Variants in SSU72L3 observed in about 807,000 individuals in gnomAD.
SSU72L3 encodes the protein SSU72 like 3.
At chr11:4,330,059 C>T in the SSU72L3 span, 5 of 776,284 alleles carry the variant, frequency 6.4e-6, no homozygotes, top group Non-Finnish European at 7.2e-6. Context: ...AGCAGATGTA[C>T]AATGACCTCC....
the SSU72L3 span, chr11:4,329,903 G>C: frequency 3.4e-5 from 25 of 730,368 alleles, no homozygotes; most frequent in Non-Finnish European, 6.3e-5. Context: ...TGGTGTGCGT[G>C]AGCAATGTCA....
the SSU72L3 span, chr11:4,330,029 T>A: frequency 1.3e-6 from 1 of 775,752 alleles, no homozygotes; most frequent in South Asian, 1.4e-5. Flanking sequence ...CTGTAGTTTA[T>A]GATTTTGCAA....
At chr11:4,330,729 C>A in the SSU72L3 span, among the ~76,000 whole-genome samples, 1 of 152,134 alleles carries the variant, frequency 6.6e-6, no homozygotes, top group Non-Finnish European at 1.5e-5. Context: ...GGAAGCTAGC[C>A]CACCATGACG....
chr11:4,329,911 T>G, the SSU72L3 span: 1 of 730,964 alleles, frequency 1.4e-6, no homozygotes, highest in East Asian at 2.4e-5. Flanking sequence ...GTGAGCAATG[T>G]CAACAGGAGC....
chr11:4,330,328 T>C, the SSU72L3 span: 3 of 760,558 alleles, frequency 3.9e-6, no homozygotes, highest in African/African-American at 1.7e-5. Flanking sequence ...GCTTTCCTCA[T>C]CTGTGAGATT....
At chr11:4,330,040 C>A in the SSU72L3 span, 2 of 776,492 alleles carry the variant, frequency 2.6e-6, no homozygotes, top group South Asian at 1.4e-5. Flanking sequence ...GATTTTGCAA[C>A]AACATATAAG....
chr11:4,329,933 C>A, the SSU72L3 span: 3 of 732,060 alleles, frequency 4.1e-6, no homozygotes, highest in East Asian at 4.9e-5. Flanking sequence ...TGGAGGCCCA[C>A]AGCATCCTCA....
chr11:4,329,852 A>G, the SSU72L3 span: 5 of 688,444 alleles, frequency 7.3e-6, 1 homozygote, highest in African/African-American at 3.6e-5. Flanking sequence ...TCTGGTTCCC[A>G]GTGGCCACCA....
At chr11:4,329,794 C>T in the SSU72L3 span, 20 of 596,580 alleles carry the variant, frequency 3.4e-5, 1 homozygote, top group Middle Eastern at 4.5e-4. Context: ...TATAGGTGGT[C>T]GTCTCCTCGG....
chr11:4,330,787 A>G, the SSU72L3 span, among the ~76,000 whole-genome samples: 1 of 152,180 alleles, frequency 6.6e-6, no homozygotes, highest in African/African-American at 2.4e-5. Flanking sequence ...TGCTGGAAAA[A>G]TGATTTGTTT....
the SSU72L3 span, among the ~76,000 whole-genome samples, chr11:4,330,733 C>T: frequency 6.6e-6 from 1 of 152,188 alleles, no homozygotes; most frequent in African/African-American, 2.4e-5. Context: ...GCTAGCCCAC[C>T]ATGACGCCAT....
chr11:4,330,228 G>T, the SSU72L3 span: 1 of 738,864 alleles, frequency 1.4e-6, no homozygotes, highest in Admixed American at 1.8e-5. Context: ...AGTGGTGGAA[G>T]ATCTGTGTTC....
At chr11:4,330,778 G>A in the SSU72L3 span, among the ~76,000 whole-genome samples, 1 of 152,170 alleles carries the variant, frequency 6.6e-6, no homozygotes, top group Non-Finnish European at 1.5e-5. Flanking sequence ...ATAATGGACT[G>A]CTGGAAAAAT....
the SSU72L3 span, chr11:4,330,346 G>A: frequency 3.5e-5 from 27 of 760,792 alleles, 1 homozygote; most frequent in Admixed American, 3.3e-4. Context: ...ATTTGCCAGT[G>A]CCTGCAGCAG....
chr11:4,330,439 G>C, the SSU72L3 span: 1 of 639,012 alleles, frequency 1.6e-6, no homozygotes, highest in Non-Finnish European at 2.8e-6. Context: ...CACACCGTCT[G>C]CTTCTACTGA....
chr11:4,330,617 A>G, the SSU72L3 span, among the ~76,000 whole-genome samples: 3 of 152,086 alleles, frequency 2.0e-5, no homozygotes, highest in Non-Finnish European at 4.4e-5. Context: ...ATTTTATGGG[A>G]AATGAGAAGG....
chr11:4,330,737 A>T, the SSU72L3 span, among the ~76,000 whole-genome samples: 1 of 152,210 alleles, frequency 6.6e-6, no homozygotes, highest in Admixed American at 6.5e-5. Flanking sequence ...GCCCACCATG[A>T]CGCCATTTTC....
the SSU72L3 span, among the ~76,000 whole-genome samples, chr11:4,330,676 C>T: frequency 2.0e-5 from 3 of 152,186 alleles, no homozygotes; most frequent in Non-Finnish European, 2.9e-5. Context: ...GTGCTAGGTG[C>T]ATTACATGGG....
the SSU72L3 span, chr11:4,329,790 T>A: frequency 1.7e-6 from 1 of 595,460 alleles, no homozygotes; most frequent in Non-Finnish European, 3.0e-6. Context: ...TGGGTATAGG[T>A]GGTCGTCTCC....
Sources: allele counts gnomAD v4.1 joint callset (sites outside exome capture counted in the v4.1 genomes callset), GRCh38; gene constraint gnomAD v4.1.1; transcripts MANE v1.5; gene names NCBI Gene and HGNC (gene_info 2026-07-23, HGNC 2026-07-21).